Variants in CRIM1 observed in about 807,000 individuals in gnomAD.
The protein encoded by CRIM1 is cysteine rich transmembrane BMP regulator 1.
A neutral mutation model predicts 116.4 loss-of-function variants in CRIM1; 32 were observed. That is an observed-to-expected ratio of 0.27 (90% CI 0.21 to 0.37). CRIM1 has a LOEUF of 0.37. Among genes scored for constraint, CRIM1 ranks in the 10% least tolerant of loss-of-function variants. The pLI, the probability that CRIM1 is intolerant of heterozygous loss-of-function variation, is 1.00. For missense variants in CRIM1, 1,331 were observed against 1,354.8 expected, an observed-to-expected ratio of 0.98 and a Z score of 0.28; for synonymous variants, 590 against 509.2, an observed-to-expected ratio of 1.16 and a Z score of -2.13.
chr2:36,366,716 T>TA (rs1171704960), intron 1 of CRIM1, among the ~76,000 whole-genome samples: 1 of 152,208 alleles, frequency 6.6e-6, no homozygotes, highest in Non-Finnish European at 1.5e-5. Context: ...CTACAAGAGG[T>TA]AACTTATTTA....
intron 8 of CRIM1, among the ~76,000 whole-genome samples, chr2:36,502,186 G>A (rs754534733): frequency 2.0e-5 from 3 of 152,110 alleles, no homozygotes; most frequent in African/African-American, 7.2e-5. Flanking sequence ...CTAAGACTTC[G>A]GTCACTTCAC....
intron 14 of CRIM1, among the ~76,000 whole-genome samples, chr2:36,540,386 G>A (rs1419570414): frequency 6.6e-6 from 1 of 152,196 alleles, no homozygotes; most frequent in Non-Finnish European, 1.5e-5. Context: ...AAGACAGACT[G>A]TGAAGTTGAG....
intron 2 of CRIM1, among the ~76,000 whole-genome samples, chr2:36,433,303 G>A (rs1448474053): frequency 3.3e-5 from 5 of 152,174 alleles, no homozygotes; most frequent in African/African-American, 4.8e-5. Flanking sequence ...CTAATCTAAA[G>A]CATCATTATG....
In CRIM1 at chr2:36,545,818, A is replaced by G. The variant is rs17019047; in HGVS notation, c.2747-1166A>G. ...TAAAACTGCTTTCTATTTGATTTGG[A>G]ATATGGGAAAGTAAAATTCATTCTT... On this transcript the variant is annotated intron_variant, in intron 15 of 16. Coordinates refer to ENST00000280527, the MANE Select transcript of CRIM1 (RefSeq NM_016441.3). Among the ~76,000 whole-genome samples the G allele has an allele frequency of 1.1e-3, 160 of 152,272 alleles. 1 individual carries two copies. The highest frequency in any genetic ancestry group is 3.8e-3 in the African/African-American group (156 of 41,568).
intron 7 of CRIM1, among the ~76,000 whole-genome samples, chr2:36,483,647 CT>C (rs1339769342): frequency 6.6e-6 from 1 of 152,168 alleles, no homozygotes; most frequent in Non-Finnish European, 1.5e-5. Flanking sequence ...CTCCATCCCC[CT>C]GTAAAGAAAG....
chr2:36,368,221 G>A (rs139606637), intron 1 of CRIM1, among the ~76,000 whole-genome samples: 7 of 152,344 alleles, frequency 4.6e-5, no homozygotes, highest in African/African-American at 1.7e-4. Context: ...TGGCATGTTG[G>A]TGCCTCACGT....
chr2:36,532,129 A>G lies in CRIM1; in HGVS notation c.2429-5223A>G. Reference sequence around the variant, plus strand: ...GATCTAAACCAAGGTGTAACTGTGAAATAGTAACCATCTTCTTTGCACGTT... The same window carrying G: ...GATCTAAACCAAGGTGTAACTGTGAGATAGTAACCATCTTCTTTGCACGTT... On this transcript the variant is annotated intron_variant, in intron 13 of 16. Transcript: ENST00000280527. The G allele has an allele frequency of 1.6e-5, 6 of 376,616 alleles. 1 individual carries two copies. The East Asian group carries it at 3.7e-4, about 23-fold the overall frequency. 23.3% of individuals were successfully genotyped at this position (376,616 alleles called of 1,614,324 possible).
At chr2:36,422,425 T>G (rs1274811106) in intron 2 of CRIM1, among the ~76,000 whole-genome samples, 1 of 152,144 alleles carries the variant, frequency 6.6e-6, no homozygotes, top group Non-Finnish European at 1.5e-5. Flanking sequence ...TTGAATAGTT[T>G]TAAGTGCCAT....
chr2:36,480,544 T>C (rs1207346835), intron 7 of CRIM1, among the ~76,000 whole-genome samples: 12 of 152,202 alleles, frequency 7.9e-5, no homozygotes, highest in Admixed American at 7.9e-4. Flanking sequence ...TATTGAAAAA[T>C]GGACTTATCT....
chr2:36,484,637 C>G (rs1679681813), intron 7 of CRIM1, among the ~76,000 whole-genome samples: 1 of 152,186 alleles, frequency 6.6e-6, no homozygotes, highest in Non-Finnish European at 1.5e-5. Flanking sequence ...GCCTTCTCAT[C>G]TTGGGCTGCG....
At position 36,539,135 on chromosome 2, in the gene CRIM1, ACAGAGAGGCTGGGGAGAAGTGGGGCAGG is replaced by A. The variant is rs1666763405; in HGVS notation, c.2623+1593_2623+1620del. 4.6e-5 allele frequency among the ~76,000 whole-genome samples: 7 copies of A among 152,206 alleles called. No homozygotes were observed. In the South Asian group the frequency reaches 1.5e-3, roughly 32 times the overall value. On this transcript the variant is annotated intron_variant, in intron 14 of 16. Coordinates refer to ENST00000280527, the MANE Select transcript of CRIM1 (RefSeq NM_016441.3). ...CGGCTCTGGAGAAAGGCATAGCAAG[ACAGAGAGGCTGGGGAGAAGTGGGGCAGG>A]CAGGTTGTTTTGTATTATGTAGAAT...
chr2:36,412,322 A>T (rs1326269928), intron 2 of CRIM1, among the ~76,000 whole-genome samples: 1 of 152,126 alleles, frequency 6.6e-6, no homozygotes, highest in African/African-American at 2.4e-5. Flanking sequence ...GGACAAAGGT[A>T]AAGATCGACA....
chr2:36,364,925 A>T (rs535445740), intron 1 of CRIM1, among the ~76,000 whole-genome samples: 3 of 151,920 alleles, frequency 2.0e-5, no homozygotes, highest in Non-Finnish European at 2.9e-5. Flanking sequence ...TTTCCATTCT[A>T]TTTTCTATCC....
chr2:36,375,516 C>T (rs1173852908), intron 1 of CRIM1, among the ~76,000 whole-genome samples: 3 of 152,244 alleles, frequency 2.0e-5, no homozygotes, highest in Middle Eastern at 3.4e-3. Context: ...ATGTTAAGTG[C>T]TCTTTAGATT....
At chr2:36,473,132 T>C (rs927075819) in intron 5 of CRIM1, among the ~76,000 whole-genome samples, 4 of 152,196 alleles carry the variant, frequency 2.6e-5, no homozygotes, top group African/African-American at 9.7e-5. Flanking sequence ...AGCGGGGTTG[T>C]TATAAAATAA....
chr2:36,355,810 C>T lies in CRIM1; in HGVS notation c.-483C>T, dbSNP rs1668759444. 6.6e-6 allele frequency: 1 copy of T among 151,398 alleles called. No homozygotes were observed. The allele number at this position is 151,398 out of a possible 1,614,324, so 9.4% of individuals were successfully genotyped here. ...AGGCGAGCGGGGCGCGCGGAGCGGA[C>T]GCCGCGGATCTTGTGCTGCGCCACC... On this transcript the variant is annotated 5_prime_UTR_variant, in exon 1 of 17. In the 5' UTR this introduces an upstream ATG that the reference lacks. Transcript: ENST00000280527.
At chr2:36,526,318 A>C (rs1039881780) in intron 13 of CRIM1, among the ~76,000 whole-genome samples, 7 of 152,248 alleles carry the variant, frequency 4.6e-5, no homozygotes, top group African/African-American at 1.7e-4. Context: ...TGGAGATAAA[A>C]GGTCTGGTGG....
chr2:36,410,810 C>T (rs989473610), intron 2 of CRIM1, among the ~76,000 whole-genome samples: 1 of 151,826 alleles, frequency 6.6e-6, no homozygotes, highest in Admixed American at 6.6e-5. Context: ...CAACAGTGTA[C>T]ATGAAAAGAC....
At chr2:36,449,474 G>T (rs1676516589) in intron 4 of CRIM1, among the ~76,000 whole-genome samples, 1 of 152,164 alleles carries the variant, frequency 6.6e-6, no homozygotes, top group Non-Finnish European at 1.5e-5. Flanking sequence ...CGTAGCTAAA[G>T]AATACTCCTC....
Sources: allele counts gnomAD v4.1 joint callset (sites outside exome capture counted in the v4.1 genomes callset), GRCh38; gene constraint gnomAD v4.1.1; transcripts MANE v1.5; gene names NCBI Gene and HGNC (gene_info 2026-07-23, HGNC 2026-07-21).